The following PDZD2 variants were observed in gnomAD, a reference collection of about 807,000 sequenced individuals.
PDZD2 encodes PDZ domain-containing protein 2.
In PDZD2, 90 loss-of-function variants were observed where a neutral mutation model predicts 220.7. The observed-to-expected ratio is 0.41, with a 90% CI of 0.34 to 0.49. PDZD2 has a LOEUF of 0.49. Among genes scored for constraint, PDZD2 ranks in the 20% least tolerant of loss-of-function variants. The pLI is 0.28. For synonymous variants in PDZD2, 1,375 were observed against 1,450.5 expected (o/e 0.95, Z 1.18); for missense variants, 3,174 against 3,608.5 (o/e 0.88, Z 3.08).
chr5:31,803,853 T>C (rs935309149), intron 2 of PDZD2, among the ~76,000 whole-genome samples: 2 of 151,908 alleles, frequency 1.3e-5, no homozygotes, highest in Non-Finnish European at 2.9e-5. Context: ...CTGGGCAACA[T>C]GGCAAGTCCC....
chr5:32,073,818 C>T lies in PDZD2; in HGVS notation c.2726-14C>T, dbSNP rs1371869784. On this transcript the variant is annotated splice_polypyrimidine_tract_variant and intron_variant, in intron 17 of 24. Coordinates refer to ENST00000438447, the MANE Select transcript of PDZD2 (RefSeq NM_178140.4). ...CTCAATTTCACTTGACTTTTCTGTC[C>T]CCACCTCCACCAGCTCACAAGGAGC... 1.3e-6 allele frequency: 2 copies of T among 1,579,160 alleles called. No individual in the cohort carries two copies. The highest frequency in any genetic ancestry group is 3.6e-5 in the Admixed American group (2 of 54,850).
At chr5:31,980,129 GCAACCGTCACCACTAATTCCAGAA>G (rs1163750758) in intron 2 of PDZD2, among the ~76,000 whole-genome samples, 1 of 152,092 alleles carries the variant, frequency 6.6e-6, no homozygotes, top group African/African-American at 2.4e-5. Context: ...GCTGGGTTGG[GCAACCGTCACCACTAATTCCAGAA>G]CATTTCCTTC....
At chr5:31,653,784 G>GTTTT (rs1745440222) in intron 1 of PDZD2, among the ~76,000 whole-genome samples, 1 of 143,762 alleles carries the variant, frequency 7.0e-6, no homozygotes, top group Non-Finnish European at 1.5e-5. Flanking sequence ...TTCAGTATAT[G>GTTTT]TTTTTTGTTT....
chr5:31,982,803 C>T (rs1225212059), intron 2 of PDZD2, among the ~76,000 whole-genome samples: 3 of 152,148 alleles, frequency 2.0e-5, no homozygotes, highest in Non-Finnish European at 4.4e-5. Context: ...AGCATAATTC[C>T]GATGCAAGAA....
At chr5:31,980,812 C>A (rs894774054) in intron 2 of PDZD2, among the ~76,000 whole-genome samples, 2 of 152,172 alleles carry the variant, frequency 1.3e-5, no homozygotes, top group Non-Finnish European at 2.9e-5. Context: ...GAGATGGAGT[C>A]TTGCTCTGTC....
intron 6 of PDZD2, among the ~76,000 whole-genome samples, chr5:32,032,720 T>C (rs1488963282): frequency 1.3e-5 from 2 of 152,248 alleles, no homozygotes; most frequent in African/African-American, 4.8e-5. Context: ...ATCTGCCACC[T>C]TTAGTCAGAA....
chr5:31,657,968 T>C (rs1015501555), intron 1 of PDZD2, among the ~76,000 whole-genome samples: 1 of 152,092 alleles, frequency 6.6e-6, no homozygotes, highest in South Asian at 2.1e-4. Context: ...ACTCTAACCG[T>C]CCTATCTTTT....
intron 2 of PDZD2, chr5:31,848,077 C>T (rs1242387715): frequency 2.9e-6 from 1 of 340,560 alleles, no homozygotes; most frequent in African/African-American, 2.2e-5. Context: ...CCAAAATGTC[C>T]CTTGCCCAGA....
rs575598032 is a variant in PDZD2, at chr5:31,800,880, C to A, written c.476+1156C>A. On this transcript the variant is annotated intron_variant, in intron 2 of 24. Transcript: ENST00000438447. ...AGGCCACCTTGAGAAACGTAGTGAC[C>A]TTTGGATGATGGAGACAGCTCACCC... Among the ~76,000 whole-genome samples the A allele has an allele frequency of 1.0e-3, 153 of 152,278 alleles. 7 individuals are homozygous for A. The South Asian group carries it at 0.03, about 30-fold the overall frequency.
At chr5:31,730,592 G>GTGGT (rs3222598) in intron 1 of PDZD2, among the ~76,000 whole-genome samples, 12,418 of 120,758 alleles carry the variant, frequency 0.1, 631 homozygotes, top group East Asian at 0.14. Context: ...GTGTGTGTGT[G>GTGGT]GTGTGTGTGT....
At chr5:31,954,694 C>T (rs1049525338) in intron 2 of PDZD2, among the ~76,000 whole-genome samples, 5 of 151,964 alleles carry the variant, frequency 3.3e-5, no homozygotes, top group African/African-American at 1.2e-4. Context: ...TTTGGGAGAC[C>T]GAGGCAGGCG....
chr5:31,671,534 A>C (rs902184176), intron 1 of PDZD2, among the ~76,000 whole-genome samples: 6 of 152,112 alleles, frequency 3.9e-5, no homozygotes, highest in Non-Finnish European at 8.8e-5. Flanking sequence ...TTGTCCTTGA[A>C]GTTGTGTCTC....
intron 7 of PDZD2, among the ~76,000 whole-genome samples, chr5:32,041,413 G>A (rs553008903): frequency 3.3e-5 from 5 of 150,796 alleles, no homozygotes; most frequent in South Asian, 4.2e-4. Context: ...AGGGGGAAAC[G>A]TGGGGAAAAG....
chr5:32,020,915 G>T (rs1309103990), intron 6 of PDZD2, among the ~76,000 whole-genome samples: 1 of 151,950 alleles, frequency 6.6e-6, no homozygotes, highest in Non-Finnish European at 1.5e-5. Context: ...CAAAGTGCTG[G>T]GATTACAGGA....
intron 2 of PDZD2, among the ~76,000 whole-genome samples, chr5:31,824,671 A>G (rs941824579): frequency 1.4e-5 from 2 of 142,414 alleles, no homozygotes; most frequent in Non-Finnish European, 3.1e-5. Flanking sequence ...TCAGTGCATT[A>G]CCTGTCTAAC....
At chr5:31,969,527 A>AAAAAAAAAAC (rs1749091364) in intron 2 of PDZD2, among the ~76,000 whole-genome samples, 5 of 148,478 alleles carry the variant, frequency 3.4e-5, no homozygotes, top group Non-Finnish European at 1.5e-5. Flanking sequence ...AAAAAAAAAA[A>AAAAAAAAAAC]AAAAAAAACA....
At chr5:32,016,413 A>G (rs746775355) in intron 6 of PDZD2, among the ~76,000 whole-genome samples, 2 of 152,192 alleles carry the variant, frequency 1.3e-5, no homozygotes, top group Non-Finnish European at 2.9e-5. Context: ...TTGAACTTAG[A>G]GTCTAATACA....
chr5:31,709,498 ATAAAAGGTGAG>A lies in PDZD2; in HGVS notation c.-361+70062_-361+70072del, dbSNP rs780168750. On this transcript the variant is annotated intron_variant, in intron 1 of 24. Transcript: ENST00000438447. ...ACCCTGTCTCAGGAAAAAAAATAAA[ATAAAAGGTGAG>A]AGAAAAGGTGAGAGCTAGGGTTTGT... Among the ~76,000 whole-genome samples the A allele has an allele frequency of 5.1e-4, 58 of 114,492 alleles. 1 individual carries two copies. The highest frequency in any genetic ancestry group is 1.2e-3 in the Admixed American group (15 of 12,308). 75.1% of individuals were successfully genotyped at this position (114,492 alleles called of 152,430 possible). A position where few individuals can be genotyped will look rare whatever the true frequency, so the allele number is the denominator to read the frequency against.
At chr5:32,070,243 G>A (rs1368833414) in intron 15 of PDZD2, among the ~76,000 whole-genome samples, 1 of 152,118 alleles carries the variant, frequency 6.6e-6, no homozygotes, top group East Asian at 1.9e-4. Flanking sequence ...TTATACTGAC[G>A]TTCAGATTGC....
Sources: gnomAD v4.1 joint callset for allele counts (sites outside exome capture counted in the v4.1 genomes callset) on GRCh38, gnomAD v4.1.1 for gene constraint, MANE v1.5 for transcripts, NCBI Gene and HGNC (gene_info 2026-07-23, HGNC 2026-07-21) for gene names.